Variants in RNF115 observed in about 807,000 individuals in gnomAD.
The protein encoded by RNF115 is E3 ubiquitin-protein ligase RNF115.
A neutral mutation model predicts 39.2 loss-of-function variants in RNF115; 31 were observed. The observed-to-expected ratio is 0.79, with a 90% CI of 0.59 to 1.07. The LOEUF (loss-of-function observed/expected upper bound fraction) is 1.07, where lower values mean the gene tolerates loss of function less well. RNF115 is among the 50% of genes least tolerant of loss of function. The pLI, the probability that RNF115 is intolerant of heterozygous loss-of-function variation, is 0.00. For synonymous variants in RNF115, 124 were observed against 131.0 expected, an observed-to-expected ratio of 0.95 and a Z score of 0.37; for missense variants, 384 against 381.7, an observed-to-expected ratio of 1.01 and a Z score of -0.05.
chr1:145,818,767 CCAG>C, intron 1 of RNF115, among the ~76,000 whole-genome samples: 1 of 151,452 alleles, frequency 6.6e-6, no homozygotes, highest in East Asian at 1.9e-4. Context: ...AACCCCAAAG[CCAG>C]CAGAAGAAAT....
rs189344936 is a variant in RNF115 at position 145,743,263 on chromosome 1, G to A, written c.*3603C>T. ...GTGGCCCTCATCCAATCAGTTGAAGGTCTGAATAGAACAAGTAAGGGAGAA... is the reference window on the plus strand; with the variant it reads ...GTGGCCCTCATCCAATCAGTTGAAGATCTGAATAGAACAAGTAAGGGAGAA... On this transcript the variant is annotated 3_prime_UTR_variant, in exon 9 of 9. Coordinates refer to ENST00000582693, the MANE Select transcript of RNF115 (RefSeq NM_014455.4). 134 of 152,218 alleles carry A rather than the reference G, an allele frequency of 8.8e-4. 2 individuals carry two copies. Among genetic ancestry groups the A allele is most frequent in the African/African-American group, 3.1e-3 (127 of 41,498 alleles). The allele number at this position is 152,218 out of a possible 1,614,324, so 9.4% of individuals were successfully genotyped here.
chr1:145,750,392 T>A lies in RNF115; in HGVS notation c.667+15A>T. 6.3e-7 allele frequency: 1 copy of A among 1,591,202 alleles called. No individual in the cohort carries two copies. The highest frequency in any genetic ancestry group is 8.6e-7 in the Non-Finnish European group (1 of 1,159,418). Reference sequence around the variant, plus strand: ...AGATCAGAAGATGACAGAATAAGTATAAAAATGAACCTACCAACTTGTTCC... The same window carrying A: ...AGATCAGAAGATGACAGAATAAGTAAAAAAATGAACCTACCAACTTGTTCC... On this transcript the variant is annotated intron_variant, in intron 7 of 8. Coordinates refer to ENST00000582693, the MANE Select transcript of RNF115 (RefSeq NM_014455.4).
intron 1 of RNF115, among the ~76,000 whole-genome samples, chr1:145,803,951 T>C (rs1429428446): frequency 3.3e-5 from 5 of 152,172 alleles, no homozygotes; most frequent in African/African-American, 1.2e-4. Context: ...GCAGAAAAGA[T>C]TTATAGTGTT....
At position 145,753,054 on chromosome 1, in the gene RNF115, T is replaced by C; in HGVS notation, c.429-5A>G. Reference sequence around the variant, plus strand: ...GCAAAGATGTGTTGTAGTATTCTGTTACAGAAGAAAAAATTAGATAAGACA... The same window carrying C: ...GCAAAGATGTGTTGTAGTATTCTGTCACAGAAGAAAAAATTAGATAAGACA... On this transcript the variant is annotated splice_region_variant and splice_polypyrimidine_tract_variant and intron_variant, in intron 4 of 8. Transcript: ENST00000582693. 1 of 1,598,852 alleles carries C rather than the reference T, an allele frequency of 6.3e-7. No individual in the cohort carries two copies. Among genetic ancestry groups the C allele is most frequent in the Non-Finnish European group, 8.6e-7 (1 of 1,167,310 alleles).
At chr1:145,808,018 G>A (rs1018373714) in intron 1 of RNF115, among the ~76,000 whole-genome samples, 3 of 151,328 alleles carry the variant, frequency 2.0e-5, no homozygotes, top group African/African-American at 4.9e-5. Context: ...CAAATGGCAC[G>A]ACTTGATTCT....
intron 2 of RNF115, among the ~76,000 whole-genome samples, chr1:145,787,247 C>A (rs181562778): frequency 1.3e-5 from 2 of 152,150 alleles, no homozygotes; most frequent in Non-Finnish European, 2.9e-5. Flanking sequence ...CCAAAAGAGG[C>A]CATCCTATCA....
chr1:145,800,302 GTAAATATTGT>G (rs1478401860), intron 1 of RNF115, among the ~76,000 whole-genome samples: 1 of 152,066 alleles, frequency 6.6e-6, no homozygotes. Flanking sequence ...ACTCTGTGAG[GTAAATATTGT>G]TATTGCTATT....
chr1:145,811,592 G>T (rs1553722582), intron 1 of RNF115, among the ~76,000 whole-genome samples: 1 of 107,092 alleles, frequency 9.3e-6, no homozygotes, highest in Non-Finnish European at 1.9e-5. Context: ...ATATATGTAG[G>T]GCCGGGTGTG....
At chr1:145,795,057 G>C (rs1648904597) in intron 1 of RNF115, among the ~76,000 whole-genome samples, 1 of 148,052 alleles carries the variant, frequency 6.8e-6, no homozygotes, top group African/African-American at 2.5e-5. Context: ...TCCGGAGTTT[G>C]TTCCTTCAGA....
intron 2 of RNF115, among the ~76,000 whole-genome samples, chr1:145,788,468 G>C (rs1382447742): frequency 6.6e-6 from 1 of 152,198 alleles, no homozygotes; most frequent in East Asian, 1.9e-4. Context: ...CTGTTTACCT[G>C]ATTAGGTATC....
rs377501725 is a variant in RNF115, at chr1:145,797,999, G to C, written c.103-9033C>G. ...TGCCTATTTTTTAATCTGTTTATTT[G>C]ATTTTTTGTTGTTGAGTTGTTGTTC... On this transcript the variant is annotated intron_variant, in intron 1 of 8. Coordinates refer to ENST00000582693, the MANE Select transcript of RNF115 (RefSeq NM_014455.4). Among the ~76,000 whole-genome samples the C allele has an allele frequency of 2.6e-5, 4 of 151,982 alleles. No homozygotes were observed. In the East Asian group the frequency reaches 7.7e-4, roughly 29 times the overall value.
chr1:145,762,574 A>C (rs1263696849), intron 4 of RNF115, among the ~76,000 whole-genome samples: 8 of 152,252 alleles, frequency 5.3e-5, no homozygotes, highest in African/African-American at 1.7e-4. Context: ...ATTATCATAT[A>C]TATGTATTTA....
At chr1:145,753,105 G>A (rs1487645739) in intron 4 of RNF115, 56 bp from the exon 5 acceptor site, 11 of 1,173,200 alleles carry the variant, frequency 9.4e-6, no homozygotes, top group East Asian at 4.7e-5. Flanking sequence ...GTACTCTACA[G>A]ATATCCATGG....
chr1:145,799,888 C>T lies in RNF115; in HGVS notation c.103-10922G>A, dbSNP rs587752357. Among the ~76,000 whole-genome samples, 59 of 151,810 alleles carry T rather than the reference C, an allele frequency of 3.9e-4. 1 individual carries two copies. Among genetic ancestry groups the T allele is most frequent in the African/African-American group, 1.4e-3 (57 of 41,348 alleles). ...GAATTACAGGCATAAGCCAACAGGC[C>T]CAGCCACTGTGGGCTTTTCATAAAT... On this transcript the variant is annotated intron_variant, in intron 1 of 8. Coordinates refer to ENST00000582693, the MANE Select transcript of RNF115 (RefSeq NM_014455.4).
chr1:145,772,407 G>C (rs959800069), intron 3 of RNF115: 2 of 155,228 alleles, frequency 1.3e-5, no homozygotes, highest in Non-Finnish European at 2.9e-5. Context: ...TTACAGGGCA[G>C]GTCTATTAAC....
chr1:145,814,340 G>C (rs1482430163), intron 1 of RNF115, among the ~76,000 whole-genome samples: 1 of 151,998 alleles, frequency 6.6e-6, no homozygotes, highest in Non-Finnish European at 1.5e-5. Context: ...GAAAACCACT[G>C]CTCTAGGCTA....
At position 145,823,949 on chromosome 1, in the gene RNF115, T is replaced by C. The variant is rs1000073992; in HGVS notation, c.-76A>G. On this transcript the variant is annotated 5_prime_UTR_variant, in exon 1 of 9. Transcript: ENST00000582693. The stretch of plus-strand genomic sequence containing the variant: ...CAGGCCGCTACCTCCCGAGCTGCAG[T>C]CGTCGCCGCCGCCGCCGCCTCGGTG... The C allele has an allele frequency of 9.3e-7, 1 of 1,079,800 alleles. No individual in the cohort carries two copies. The highest frequency in any genetic ancestry group is 1.2e-6 in the Non-Finnish European group (1 of 804,804). 66.9% of individuals were successfully genotyped at this position (1,079,800 alleles called of 1,614,324 possible).
chr1:145,798,518 C>T (rs1571768759), intron 1 of RNF115, among the ~76,000 whole-genome samples: 1 of 152,138 alleles, frequency 6.6e-6, no homozygotes, highest in Admixed American at 6.5e-5. Flanking sequence ...ATTCCATTGT[C>T]TATATGTCTG....
chr1:145,772,534 T>C (rs1647690916), intron 3 of RNF115: 1 of 152,286 alleles, frequency 6.6e-6, no homozygotes, highest in Non-Finnish European at 1.5e-5. Context: ...TTCATCACTT[T>C]AAATATGTTA....
Sources: gnomAD v4.1 joint callset for allele counts (sites outside exome capture counted in the v4.1 genomes callset) on GRCh38, gnomAD v4.1.1 for gene constraint, MANE v1.5 for transcripts, NCBI Gene and HGNC (gene_info 2026-07-23, HGNC 2026-07-21) for gene names.